SLC4A10: variants seen among roughly 807,000 people sequenced by gnomAD.
SLC4A10 encodes solute carrier family 4 member 10.
A neutral mutation model predicts 137.7 loss-of-function variants in SLC4A10; 42 were observed. That is an observed-to-expected ratio of 0.30 (90% confidence interval 0.24 to 0.39). The LOEUF is 0.39. Among genes scored for constraint, SLC4A10 ranks in the 10% least tolerant of loss-of-function variants. The probability of loss-of-function intolerance (pLI) is 1.00; values close to 1 mark genes in which losing one functional copy is unlikely to be tolerated. For missense variants in SLC4A10, 925 were observed against 1,355.0 expected (o/e 0.68, Z 4.98); for synonymous variants, 474 against 464.1 (o/e 1.02, Z -0.27).
intron 1 of SLC4A10, among the ~76,000 whole-genome samples, chr2:161,634,448 T>C (rs1375487675): frequency 6.6e-6 from 1 of 151,920 alleles, no homozygotes; most frequent in Non-Finnish European, 1.5e-5. Context: ...TTTGAGACTA[T>C]ATGAATTTCC....
intron 1 of SLC4A10, among the ~76,000 whole-genome samples, chr2:161,676,480 G>A (rs186821538): frequency 3.2e-4 from 48 of 152,212 alleles, no homozygotes; most frequent in Admixed American, 2.3e-3. Context: ...TTTAGGTGGT[G>A]TGGTAATATT....
intron 1 of SLC4A10, among the ~76,000 whole-genome samples, chr2:161,677,955 T>A (rs2040445023): frequency 6.6e-6 from 1 of 152,142 alleles, no homozygotes; most frequent in Non-Finnish European, 1.5e-5. Flanking sequence ...AATCACGTGG[T>A]CCTTCCTTTC....
intron 1 of SLC4A10, among the ~76,000 whole-genome samples, chr2:161,653,318 A>T (rs1288156572): frequency 6.6e-6 from 1 of 152,292 alleles, no homozygotes; most frequent in Non-Finnish European, 1.5e-5. Flanking sequence ...CATAGTGTGC[A>T]TGTGTCTTTA....
At chr2:161,751,370 A>G (rs1403867157) in intron 1 of SLC4A10, among the ~76,000 whole-genome samples, 1 of 116,218 alleles carries the variant, frequency 8.6e-6, no homozygotes, top group Admixed American at 8.5e-5. Context: ...TTTTTTTCAT[A>G]TATTGCTAGG....
At chr2:161,924,803 T>C (rs985027173) in intron 15 of SLC4A10, among the ~76,000 whole-genome samples, 3 of 152,178 alleles carry the variant, frequency 2.0e-5, no homozygotes, top group African/African-American at 7.2e-5. Context: ...ACACATGCCA[T>C]TGTATTCACT....
chr2:161,625,246 G>A (rs1202804588), intron 1 of SLC4A10, among the ~76,000 whole-genome samples: 1 of 151,934 alleles, frequency 6.6e-6, no homozygotes, highest in African/African-American at 2.4e-5. Flanking sequence ...TAGCCCATCT[G>A]TTTACCTCTG....
chr2:161,927,778 C>T (rs898233667), intron 15 of SLC4A10, among the ~76,000 whole-genome samples: 6 of 152,172 alleles, frequency 3.9e-5, no homozygotes, highest in African/African-American at 1.2e-4. Context: ...AAAATGCTCA[C>T]CATCACTGGC....
intron 17 of SLC4A10, among the ~76,000 whole-genome samples, chr2:161,948,876 A>G (rs1222875735): frequency 6.6e-6 from 1 of 152,124 alleles, no homozygotes; most frequent in Non-Finnish European, 1.5e-5. Context: ...GTTAGATTTT[A>G]AATAAACATT....
chr2:161,844,946 G>A (rs78438058), intron 4 of SLC4A10, among the ~76,000 whole-genome samples: 1,715 of 152,190 alleles, frequency 0.011, 21 homozygotes, highest in South Asian at 0.042. Context: ...TTGGCCAACA[G>A]TTTTATTTAT....
At chr2:161,931,905 A>G (rs1427474697) in intron 15 of SLC4A10, among the ~76,000 whole-genome samples, 1 of 152,204 alleles carries the variant, frequency 6.6e-6, no homozygotes, top group African/African-American at 2.4e-5. Flanking sequence ...GTATACCTAT[A>G]TACACTTTAT....
At chr2:161,734,895 C>T (rs186068034) in intron 1 of SLC4A10, among the ~76,000 whole-genome samples, 198 of 152,016 alleles carry the variant, frequency 1.3e-3, no homozygotes, top group African/African-American at 4.6e-3. Context: ...GGTGGTTTCC[C>T]ACATACTCTT....
Position 161,739,839 on chromosome 2 carries a change from GC to G in SLC4A10, c.49-31132del, listed in dbSNP as rs2047706108. On this transcript the variant is annotated intron_variant, in intron 1 of 26. Coordinates refer to ENST00000446997, the MANE Select transcript of SLC4A10 (RefSeq NM_001178015.2). ...TACCCCCATTTCATGGACTCAGGTGGCCACCTTAAATTAGCACCTGCTGATA... is the reference window on the plus strand; with the variant it reads ...TACCCCCATTTCATGGACTCAGGTGGCACCTTAAATTAGCACCTGCTGATA... 3.3e-5 allele frequency among the ~76,000 whole-genome samples: 5 copies of G among 152,292 alleles called. No individual in the cohort carries two copies. In the South Asian group the frequency reaches 1.0e-3, roughly 32 times the overall value.
At chr2:161,745,328 A>T (rs2048289174) in intron 1 of SLC4A10, among the ~76,000 whole-genome samples, 3 of 152,098 alleles carry the variant, frequency 2.0e-5, no homozygotes, top group Non-Finnish European at 2.9e-5. Flanking sequence ...CTTCTTCTTG[A>T]TCAGTTCTGG....
intron 6 of SLC4A10, among the ~76,000 whole-genome samples, chr2:161,867,152 C>A (rs1221782461): frequency 6.6e-6 from 1 of 151,832 alleles, no homozygotes; most frequent in African/African-American, 2.4e-5. Flanking sequence ...TAGATTTCAG[C>A]CCTTAAAGCA....
intron 3 of SLC4A10, among the ~76,000 whole-genome samples, chr2:161,811,280 C>T (rs1404103278): frequency 6.6e-6 from 1 of 151,840 alleles, no homozygotes; most frequent in Non-Finnish European, 1.5e-5. Context: ...AACTAGTAGT[C>T]TATCAATCTT....
intron 1 of SLC4A10, among the ~76,000 whole-genome samples, chr2:161,761,987 C>G (rs188208122): frequency 1.6e-3 from 249 of 152,162 alleles, no homozygotes; most frequent in African/African-American, 5.7e-3. Flanking sequence ...ATTCTCAGTT[C>G]TATTTTTTCT....
intron 1 of SLC4A10, among the ~76,000 whole-genome samples, chr2:161,728,228 A>G (rs112708802): frequency 1.3e-5 from 2 of 152,222 alleles, no homozygotes; most frequent in Non-Finnish European, 2.9e-5. Flanking sequence ...GAATAGTCCT[A>G]TAACTATTCA....
At chr2:161,841,288 G>A (rs936727479) in intron 4 of SLC4A10, among the ~76,000 whole-genome samples, 1 of 152,072 alleles carries the variant, frequency 6.6e-6, no homozygotes, top group Non-Finnish European at 1.5e-5. Context: ...ATGTTGGCCA[G>A]GCTGGTCTCG....
intron 20 of SLC4A10, 63 bp from the exon 21 acceptor site, chr2:161,958,424 A>T: frequency 2.8e-6 from 4 of 1,411,438 alleles, no homozygotes; most frequent in Admixed American, 1.8e-5. Flanking sequence ...TTTCTTTGAT[A>T]AATGCAAAAC....
Sources: gnomAD v4.1 joint callset for allele counts (sites outside exome capture counted in the v4.1 genomes callset) on GRCh38, gnomAD v4.1.1 for gene constraint, MANE v1.5 for transcripts, NCBI Gene and HGNC (gene_info 2026-07-23, HGNC 2026-07-21) for gene names.